FCSK: variants seen among roughly 807,000 people sequenced by gnomAD.
FCSK encodes fucose kinase.
In FCSK, 123 loss-of-function variants were observed where a neutral mutation model predicts 122.5. The observed-to-expected ratio is 1.00, with a 90% CI of 0.87 to 1.17. The LOEUF (loss-of-function observed/expected upper bound fraction) is 1.17. FCSK is among the 50% of genes most tolerant of loss of function. FCSK has a pLI of 0.00. For synonymous variants in FCSK, 620 were observed against 625.5 expected, an observed-to-expected ratio of 0.99 and a Z score of 0.13; for missense variants, 1,366 against 1,450.4, an observed-to-expected ratio of 0.94 and a Z score of 0.95.
Position 70,473,102 on chromosome 16 carries a change from T to C in FCSK, c.1526T>C (p.Leu509Pro), listed in dbSNP as rs754393801. 20 of 1,587,590 alleles carry C rather than the reference T, an allele frequency of 1.3e-5. No homozygotes were observed. The East Asian group carries it at 1.6e-4, about 13-fold the overall frequency. ...ELGPQDLLWM[L>P]DHQEDGGEAL... is the part of the protein sequence containing the mutation. ...GGACCCCAGGACCTGCTGTGGATGC[T>C]GGACCACCAGGAGGATGGGGGCGAG... The change falls in exon 15 of 24, where the codon CTG (leucine) becomes CCG (proline). Residue 509 changes from leucine to proline, a missense_variant. Leu to Pro is a moderately conservative substitution (Grantham distance 98, BLOSUM62 -3). Coordinates refer to ENST00000288078, the MANE Select transcript of FCSK (RefSeq NM_145059.3). The surrounding 1 kb of genome is among the most constrained non-coding windows in gnomAD (Gnocchi z 4.9).
chr16:70,467,029 C>T (rs1225087548), intron 6 of FCSK, 75 bp downstream of exon 6: 1 of 1,394,120 alleles, frequency 7.2e-7, no homozygotes, highest in Non-Finnish European at 1.0e-6. Context: ...CCTTCTTGCC[C>T]ACCCTGCCTC....
intron 23 of FCSK, 78 bp downstream of exon 23, chr16:70,479,481 C>A: frequency 1.4e-6 from 2 of 1,478,702 alleles, no homozygotes; most frequent in Non-Finnish European, 1.9e-6. Flanking sequence ...TAACCAGGGG[C>A]TATATCTGTA....
intron 21 of FCSK, 43 bp downstream of exon 21, chr16:70,478,502 G>C: frequency 6.2e-7 from 1 of 1,613,330 alleles, no homozygotes; most frequent in East Asian, 2.2e-5. Flanking sequence ...CAGGGGGCCT[G>C]CCAGCTGGGC....
In FCSK at chr16:70,478,506, G is replaced by T. The variant is rs369121248; in HGVS notation, c.2830-45G>T. The stretch of plus-strand genomic sequence containing the variant: ...AGGGAGGCAGGCAGGGGGCCTGCCA[G>T]CTGGGCCTGGGTCCTCACCACCCCT... On this transcript the variant is annotated intron_variant, in intron 21 of 23. Transcript: ENST00000288078. 159 of 1,612,962 alleles carry T rather than the reference G, an allele frequency of 9.9e-5. 1 individual carries two copies. The highest frequency in any genetic ancestry group is 1.3e-4 in the Non-Finnish European group (156 of 1,179,536).
Position 70,474,248 on chromosome 16 carries a change from G to T in FCSK, c.1897G>T (p.Glu633Ter). The T allele has an allele frequency of 6.2e-7, 1 of 1,611,664 alleles. No individual in the cohort carries two copies. ...GCGGAGCGGGCCAGCTGCCAACCCT[G>T]AGTGGATGCGGCCCTTCTCATACCT... Reference protein sequence around the residue: ...GLRSGPAANPEWMRPFSYLEC... With the variant: ...GLRSGPAANP Residue 633 changes from glutamate (E) to a stop codon, truncating the protein, a stop_gained, in exon 16 of 24, where the codon GAG (glutamate) becomes TAG (stop). Transcript: ENST00000288078. LOFTEE classifies it high-confidence loss of function.
In FCSK at chr16:70,473,627, C is replaced by T. The variant is rs1032632948; in HGVS notation, c.1777+274C>T. Among the ~76,000 whole-genome samples, 2 of 152,126 alleles carry T rather than the reference C, an allele frequency of 1.3e-5. No homozygotes were observed. Among genetic ancestry groups the T allele is most frequent in the Non-Finnish European group, 2.9e-5 (2 of 68,018 alleles). On this transcript the variant is annotated intron_variant, in intron 15 of 23. Transcript: ENST00000288078. This position sits in a 1 kb window ranked among gnomAD's most constrained non-coding sequence, Gnocchi z 4.9. Reference sequence around the variant, plus strand: ...GTCCTAGGCACATCGGCAAACCCTGCGTGTTCTGTACTGGGTGCCAGGATG... The same window carrying T: ...GTCCTAGGCACATCGGCAAACCCTGTGTGTTCTGTACTGGGTGCCAGGATG...
intron 23 of FCSK, 35 bp downstream of exon 23, chr16:70,479,438 T>C (rs1351387016): frequency 4.4e-6 from 7 of 1,580,776 alleles, no homozygotes; most frequent in Non-Finnish European, 6.0e-6. Flanking sequence ...AAGAGACCTC[T>C]GGGGGCAAGA....
chr16:70,473,417 G>A lies in FCSK; in HGVS notation c.1777+64G>A, dbSNP rs1049056419. 4.2e-6 allele frequency: 6 copies of A among 1,439,908 alleles called. No homozygotes were observed. Among genetic ancestry groups the A allele is most frequent in the East Asian group, 5.1e-5 (2 of 39,196 alleles). 89.2% of individuals were successfully genotyped at this position (1,439,908 alleles called of 1,614,324 possible). A position where few individuals can be genotyped will look rare whatever the true frequency, so the allele number is the denominator to read the frequency against. On this transcript the variant is annotated intron_variant, in intron 15 of 23. Transcript: ENST00000288078. This position sits in a 1 kb window ranked among gnomAD's most constrained non-coding sequence, Gnocchi z 4.9. ...GGGGCACCTGCCCTCCCTGTCCTCT[G>A]GGCCATCCCCTGAGGGGACTAGGGG... is the stretch of plus-strand genomic sequence containing the variant.
intron 6 of FCSK, 85 bp from the exon 7 acceptor site, chr16:70,467,289 C>T: frequency 1.1e-6 from 1 of 918,194 alleles, no homozygotes; most frequent in African/African-American, 1.7e-5. Flanking sequence ...GGTGCCGCAG[C>T]CCTGGGCTCT....
At chr16:70,475,558 C>A in intron 19 of FCSK, 65 bp downstream of exon 19, 1 of 1,585,880 alleles carries the variant, frequency 6.3e-7, no homozygotes, top group South Asian at 1.1e-5. Context: ...CCTGTGATCC[C>A]CCTTCCTGGC....
intron 13 of FCSK, 46 bp downstream of exon 13, chr16:70,471,398 G>T: frequency 1.3e-6 from 2 of 1,501,022 alleles, no homozygotes; most frequent in East Asian, 2.5e-5. Flanking sequence ...TCAGGCTTTG[G>T]GGAGCCCAAG....
At chr16:70,455,249 A>G (rs1269248412) in intron 1 of FCSK, among the ~76,000 whole-genome samples, 1 of 152,186 alleles carries the variant, frequency 6.6e-6, no homozygotes, top group Non-Finnish European at 1.5e-5. Flanking sequence ...CCCCAACCCT[A>G]TCCCAGTCTT....
At chr16:70,466,734 G>A in intron 5 of FCSK, 148 bp from the exon 6 acceptor site, 1 of 651,596 alleles carries the variant, frequency 1.5e-6, no homozygotes, top group Admixed American at 2.9e-5. Context: ...CATGGGGAAA[G>A]TTGTAAACCC....
At chr16:70,466,443 AG>A (rs2048421003) in intron 5 of FCSK, 186 bp downstream of exon 5, 1 of 699,456 alleles carries the variant, frequency 1.4e-6, no homozygotes. Context: ...CTATAATTTC[AG>A]CACTTTGAGA....
At chr16:70,477,156 C>G (rs917517361) in intron 20 of FCSK, among the ~76,000 whole-genome samples, 1 of 152,182 alleles carries the variant, frequency 6.6e-6, no homozygotes, top group Admixed American at 6.5e-5. Flanking sequence ...GGGCCTGTCC[C>G]AGAAGCAACT....
chr16:70,469,345 C>G, intron 10 of FCSK, 22 bp downstream of exon 10: 4 of 1,564,544 alleles, frequency 2.6e-6, no homozygotes, highest in Non-Finnish European at 3.5e-6. Context: ...CTCTCAGCTC[C>G]CTGGGGTGGG....
At chr16:70,475,889 G>C (rs1031905997) in intron 20 of FCSK, 122 bp downstream of exon 20, 1 of 1,041,240 alleles carries the variant, frequency 9.6e-7, no homozygotes, top group Non-Finnish European at 1.3e-6. Context: ...TGCTGCTGTT[G>C]GAAATACTTT....
chr16:70,458,305 A>C (rs1597598032), intron 1 of FCSK, among the ~76,000 whole-genome samples: 1 of 150,192 alleles, frequency 6.7e-6, no homozygotes, highest in African/African-American at 2.4e-5. Flanking sequence ...GATTACAGGC[A>C]CCCGCCACCA....
chr16:70,472,218 G>A (rs2048648223), intron 13 of FCSK, among the ~76,000 whole-genome samples: 1 of 152,200 alleles, frequency 6.6e-6, no homozygotes, highest in South Asian at 2.1e-4. Flanking sequence ...GGAACCCAGG[G>A]TTCTGCTCCA....
Sources: gnomAD v4.1 joint callset for allele counts (sites outside exome capture counted in the v4.1 genomes callset) on GRCh38, gnomAD v4.1.1 for gene constraint, Gnocchi (gnomAD v3.1) non-coding constraint, MANE v1.5 for transcripts, NCBI Gene and HGNC (gene_info 2026-07-23, HGNC 2026-07-21) for gene names.